The following SLC14A2 variants were observed in gnomAD, a reference collection of about 807,000 sequenced individuals.
SLC14A2 encodes the protein urea transporter 2.
A neutral mutation model predicts 104.6 loss-of-function variants in SLC14A2; 91 were observed. The observed-to-expected ratio is 0.87, with a 90% confidence interval of 0.73 to 1.04. The LOEUF is 1.04. Among genes scored for constraint, SLC14A2 ranks in the 50% least tolerant of loss-of-function variants. SLC14A2 has a pLI of 0.00. For synonymous variants in SLC14A2, 476 were observed against 466.4 expected (o/e 1.02, Z -0.27); for missense variants, 1,189 against 1,156.0 (o/e 1.03, Z -0.41).
intron 2 of SLC14A2, among the ~76,000 whole-genome samples, chr18:45,555,863 C>A (rs1233478411): frequency 6.6e-6 from 1 of 152,210 alleles, no homozygotes; most frequent in African/African-American, 2.4e-5. Context: ...AGACTTCACT[C>A]ACCTTGCCCT....
At chr18:45,616,142 A>C (rs559780928) in intron 1 of SLC14A2, among the ~76,000 whole-genome samples, 3 of 152,280 alleles carry the variant, frequency 2.0e-5, no homozygotes, top group African/African-American at 7.2e-5. Flanking sequence ...GAACCGAGGG[A>C]GATTGAGAAC....
At chr18:45,273,575 ATG>A (rs1028224325) in intron 1 of SLC14A2, among the ~76,000 whole-genome samples, 5 of 152,134 alleles carry the variant, frequency 3.3e-5, no homozygotes, top group African/African-American at 1.2e-4. Context: ...TTTTCTGATA[ATG>A]TGTGTGTATT....
intron 1 of SLC14A2, among the ~76,000 whole-genome samples, chr18:45,395,487 A>C (rs1036495027): frequency 6.6e-6 from 1 of 152,214 alleles, no homozygotes; most frequent in South Asian, 2.1e-4. Context: ...AACAAGGTGC[A>C]TATAGTTAAC....
the SLC14A2 span, among the ~76,000 whole-genome samples, chr18:45,184,771 A>G: frequency 1.3e-5 from 2 of 152,216 alleles, no homozygotes; most frequent in Admixed American, 6.5e-5. Flanking sequence ...AAAAAATAGT[A>G]TTGTTTCACA....
intron 1 of SLC14A2, among the ~76,000 whole-genome samples, chr18:45,362,586 C>G (rs2085623291): frequency 6.6e-6 from 1 of 152,160 alleles, no homozygotes; most frequent in Admixed American, 6.5e-5. Context: ...AAGACTCATT[C>G]TCTTTGGGTC....
chr18:45,594,552 C>G (rs559080290), intron 2 of SLC14A2, among the ~76,000 whole-genome samples: 3 of 152,066 alleles, frequency 2.0e-5, no homozygotes, highest in South Asian at 4.2e-4. Flanking sequence ...TCTCCTGGAC[C>G]GGTCATTACC....
chr18:45,377,249 AT>A lies in SLC14A2; in HGVS notation c.-124-105971del, dbSNP rs113391997. ...GGTTTCTGTGGTCTGCTCAGGGGTG[AT>A]TTTTTTTTTTTTACTACCTTCTTCT... On this transcript the variant is annotated intron_variant, in intron 1 of 20. Coordinates refer to the SLC14A2 transcript ENST00000586448. 7.6e-3 allele frequency among the ~76,000 whole-genome samples: 1,099 copies of A among 144,120 alleles called. 10 individuals carry two copies. The highest frequency in any genetic ancestry group is 0.018 in the African/African-American group (724 of 39,682). The allele number at this position is 144,120 out of a possible 152,430, so 94.5% of individuals were successfully genotyped here.
intron 10 of SLC14A2, among the ~76,000 whole-genome samples, chr18:45,659,592 A>G (rs2045901105): frequency 6.6e-6 from 1 of 152,204 alleles, no homozygotes; most frequent in Non-Finnish European, 1.5e-5. Context: ...ACCAACCTTT[A>G]TATCACCGTC....
intron 1 of SLC14A2, among the ~76,000 whole-genome samples, chr18:45,270,324 A>G (rs1311563829): frequency 6.6e-6 from 1 of 152,048 alleles, no homozygotes; most frequent in East Asian, 1.9e-4. Flanking sequence ...TTTAGTTAAG[A>G]TATTCTCCTG....
intron 3 of SLC14A2, 54 bp from the exon 4 acceptor site, chr18:45,626,904 C>A: frequency 7.1e-7 from 1 of 1,404,844 alleles, no homozygotes; most frequent in South Asian, 1.2e-5. Context: ...ACCAGCAGTT[C>A]AGCAGAGCAG....
rs182591538 is a variant in SLC14A2 at position 45,391,854 on chromosome 18, C to A, written c.-124-91379C>A. On this transcript the variant is annotated intron_variant, in intron 1 of 20. Coordinates refer to the SLC14A2 transcript ENST00000586448. ...GTTTGTCAGATGAGTAGATTGCAAACATTTTCTCCCATTTTGTGGGTTGCC... is the reference window on the plus strand; with the variant it reads ...GTTTGTCAGATGAGTAGATTGCAAAAATTTTCTCCCATTTTGTGGGTTGCC... Among the ~76,000 whole-genome samples, 36 of 152,268 alleles carry A rather than the reference C, an allele frequency of 2.4e-4. No homozygotes were observed. The East Asian group carries it at 6.6e-3, about 28-fold the overall frequency.
At chr18:45,246,202 C>T (rs939981799) in intron 1 of SLC14A2, among the ~76,000 whole-genome samples, 6 of 152,092 alleles carry the variant, frequency 3.9e-5, no homozygotes, top group African/African-American at 9.7e-5. Flanking sequence ...GGAAAGGCCA[C>T]GTGAGAACAC....
intron 1 of SLC14A2, among the ~76,000 whole-genome samples, chr18:45,622,585 A>G (rs2045191128): frequency 6.6e-6 from 1 of 152,190 alleles, no homozygotes; most frequent in African/African-American, 2.4e-5. Context: ...TCACCTGGGT[A>G]GGAGCACCAG....
chr18:45,197,322 G>T, the SLC14A2 span, among the ~76,000 whole-genome samples: 1 of 152,184 alleles, frequency 6.6e-6, no homozygotes, highest in Non-Finnish European at 1.5e-5. Flanking sequence ...ATAGAGAGCT[G>T]CATGATACAT....
In SLC14A2 at chr18:45,305,183, G is replaced by A. The variant is rs2085006562; in HGVS notation, c.-125+91992G>A. Among the ~76,000 whole-genome samples, 4 of 152,236 alleles carry A rather than the reference G, an allele frequency of 2.6e-5. No homozygotes were observed. In the South Asian group the frequency reaches 8.3e-4, roughly 32 times the overall value. ...CAAGGTCTAGGTGAGAGGTAGGGCAGAGAACCTGCTTGTTTGGGAGACAGG... is the reference window on the plus strand; with the variant it reads ...CAAGGTCTAGGTGAGAGGTAGGGCAAAGAACCTGCTTGTTTGGGAGACAGG... On this transcript the variant is annotated intron_variant, in intron 1 of 20. Coordinates refer to the SLC14A2 transcript ENST00000586448.
intron 18 of SLC14A2, 110 bp from the exon 19 acceptor site, chr18:45,678,865 G>C: frequency 2.0e-6 from 2 of 1,004,454 alleles, no homozygotes; most frequent in Non-Finnish European, 2.9e-6. Context: ...AAAAATCTTA[G>C]AGATAGCATT....
intron 2 of SLC14A2, among the ~76,000 whole-genome samples, chr18:45,531,744 C>T (rs1490738091): frequency 6.6e-6 from 1 of 151,994 alleles, no homozygotes; most frequent in Non-Finnish European, 1.5e-5. Flanking sequence ...GTTGCCATTG[C>T]TTTTGGTGTT....
chr18:45,571,600 T>C lies in SLC14A2; in HGVS notation c.-34-53031T>C, dbSNP rs2044346535. The stretch of plus-strand genomic sequence containing the variant: ...AGTAATGGTCCTAGTCCGTAGCTCC[T>C]GACTCCTTGCTGAGCATTACACAGA... On this transcript the variant is annotated intron_variant, in intron 2 of 20. Transcript: ENST00000586448. 1.3e-5 allele frequency among the ~76,000 whole-genome samples: 2 copies of C among 152,262 alleles called. 1 individual carries two copies. The highest frequency in any genetic ancestry group is 4.1e-4 in the South Asian group (2 of 4,832).
At chr18:45,576,902 T>C (rs1265034889) in intron 2 of SLC14A2, among the ~76,000 whole-genome samples, 1 of 152,182 alleles carries the variant, frequency 6.6e-6, no homozygotes, top group Non-Finnish European at 1.5e-5. Context: ...AGAGCCTTTA[T>C]TGTATTCCTG....
Sources: allele counts gnomAD v4.1 joint callset (sites outside exome capture counted in the v4.1 genomes callset), GRCh38; gene constraint gnomAD v4.1.1; transcripts MANE v1.5; gene names NCBI Gene and HGNC (gene_info 2026-07-23, HGNC 2026-07-21).